Variants in RAC1 observed in about 807,000 individuals in gnomAD.
RAC1 encodes the protein Rac family small GTPase 1.
In RAC1, 2 loss-of-function variants were observed where a neutral mutation model predicts 25.2. The observed-to-expected ratio is 0.08, with a 90% CI of 0.03 to 0.25. The LOEUF (loss-of-function observed/expected upper bound fraction) is 0.25. RAC1 is among the 10% of genes least tolerant of loss of function. RAC1 has a pLI of 1.00. For missense variants in RAC1, 50 were observed against 235.7 expected (o/e 0.21, Z 5.16); for synonymous variants, 88 against 94.0 (o/e 0.94, Z 0.37).
chr7:6,391,788 C>A, intron 2 of RAC1, 136 bp from the exon 3 acceptor site: 1 of 1,389,858 alleles, frequency 7.2e-7, no homozygotes, highest in Non-Finnish European at 9.6e-7. Context: ...CCTCCTTGTG[C>A]CTGCAGGGAC....
chr7:6,387,148 T>C (rs2115192828), intron 1 of RAC1, 64 bp from the exon 2 acceptor site: 1 of 1,043,696 alleles, frequency 9.6e-7, no homozygotes, highest in Non-Finnish European at 1.4e-6. Flanking sequence ...TTATTTTAAC[T>C]TAATAGTGAA....
intron 2 of RAC1, 97 bp from the exon 3 acceptor site, chr7:6,391,827 G>C: frequency 6.3e-7 from 1 of 1,583,278 alleles, no homozygotes; most frequent in Non-Finnish European, 8.6e-7. Context: ...CTCCAGGCCC[G>C]TCCCCAGCCT....
chr7:6,397,250 A>C (rs1783268488), intron 3 of RAC1, among the ~76,000 whole-genome samples: 1 of 107,482 alleles, frequency 9.3e-6, no homozygotes, highest in Non-Finnish European at 2.0e-5. Context: ...CAAAAAAAAA[A>C]AAGAAAAAAA....
intron 1 of RAC1, among the ~76,000 whole-genome samples, chr7:6,381,758 A>G (rs1257884485): frequency 6.6e-6 from 1 of 152,002 alleles, no homozygotes; most frequent in Admixed American, 6.6e-5. Context: ...TCATAATTTT[A>G]GATTGGGTTT....
At chr7:6,385,421 C>T (rs200704592) in intron 1 of RAC1, among the ~76,000 whole-genome samples, 6 of 152,052 alleles carry the variant, frequency 3.9e-5, no homozygotes, top group African/African-American at 9.7e-5. Flanking sequence ...TGAAACTTGC[C>T]AAAAAATACA....
At chr7:6,393,389 CAT>C (rs1783142779) in intron 3 of RAC1, among the ~76,000 whole-genome samples, 1 of 152,118 alleles carries the variant, frequency 6.6e-6, no homozygotes, top group Admixed American at 6.5e-5. Context: ...CCACTGGACA[CAT>C]GTGGAAGGGT....
At chr7:6,388,510 A>C (rs1384076851) in intron 2 of RAC1, among the ~76,000 whole-genome samples, 1 of 151,500 alleles carries the variant, frequency 6.6e-6, no homozygotes, top group Non-Finnish European at 1.5e-5. Context: ...ACACCTGGCT[A>C]ATTTTTGTTT....
chr7:6,398,159 A>G (rs34166579), intron 3 of RAC1, among the ~76,000 whole-genome samples: 2,130 of 152,304 alleles, frequency 0.014, 32 homozygotes, highest in South Asian at 0.028. Flanking sequence ...GAGACTTGGA[A>G]TGTTCTGGCA....
At chr7:6,397,821 C>G (rs890995414) in intron 3 of RAC1, among the ~76,000 whole-genome samples, 1 of 152,112 alleles carries the variant, frequency 6.6e-6, no homozygotes, top group Non-Finnish European at 1.5e-5. Flanking sequence ...AACCTGGTCT[C>G]TACTAAAAAT....
Position 6,394,529 on chromosome 7 carries a change from G to C in RAC1, c.225+2488G>C, listed in dbSNP as rs1262937070. On this transcript the variant is annotated intron_variant, in intron 3 of 5. Transcript: ENST00000348035. ...GAGTGGGAGCCTAAGTGACCTGTCA[G>C]TGTCACAGCGAGTCCTGAGCCCTGT... 4.6e-5 allele frequency among the ~76,000 whole-genome samples: 7 copies of C among 152,258 alleles called. No homozygotes were observed. The East Asian group carries it at 1.3e-3, about 29-fold the overall frequency.
intron 1 of RAC1, among the ~76,000 whole-genome samples, chr7:6,379,949 G>A (rs1304262357): frequency 6.6e-6 from 1 of 152,074 alleles, no homozygotes; most frequent in Non-Finnish European, 1.5e-5. Context: ...GGTGTTGGTT[G>A]ATTAAAGGAA....
chr7:6,375,062 C>G lies in RAC1; in HGVS notation c.35+292C>G, dbSNP rs554672437. 2.0e-3 allele frequency among the ~76,000 whole-genome samples: 287 copies of G among 141,576 alleles called. 2 individuals carry two copies. Among genetic ancestry groups the G allele is most frequent in the African/African-American group, 7.1e-3 (277 of 38,892 alleles). The allele number at this position is 141,576 out of a possible 152,430, so 92.9% of individuals were successfully genotyped here. On this transcript the variant is annotated intron_variant, in intron 1 of 5. Transcript: ENST00000348035. ...TTCTTCCCGGACGCCGCCCGCCGCC[C>G]TCCTCGGGAGCGCTCGTAGAGCAAG...
chr7:6,377,776 A>G (rs1782648669), intron 1 of RAC1, among the ~76,000 whole-genome samples: 1 of 151,774 alleles, frequency 6.6e-6, no homozygotes, highest in African/African-American at 2.4e-5. Context: ...TTAGCTGGGC[A>G]CGCCTGTAAT....
chr7:6,378,171 T>C (rs183185698), intron 1 of RAC1, among the ~76,000 whole-genome samples: 2,629 of 149,814 alleles, frequency 0.018, 92 homozygotes, highest in African/African-American at 0.061. Flanking sequence ...AATTCCTTCA[T>C]GAAAATCTCT....
chr7:6,390,034 C>T (rs1226863036), intron 2 of RAC1, among the ~76,000 whole-genome samples: 2 of 62,082 alleles, frequency 3.2e-5, no homozygotes, highest in Non-Finnish European at 7.6e-5. Flanking sequence ...CTACTCCTTC[C>T]CTCCTTCCCT....
chr7:6,389,161 C>T (rs1360597750), intron 2 of RAC1, among the ~76,000 whole-genome samples: 2 of 150,798 alleles, frequency 1.3e-5, no homozygotes, highest in African/African-American at 2.4e-5. Context: ...AAGATTGTGC[C>T]ACTGCACTTC....
At chr7:6,383,784 C>CTTTTTTTTTTTTTTTTTTTTT (rs34847745) in intron 1 of RAC1, among the ~76,000 whole-genome samples, 1 of 39,802 alleles carries the variant, frequency 2.5e-5, no homozygotes, top group African/African-American at 8.5e-5. Flanking sequence ...CAACCTTTAT[C>CTTTTTTTTTTTTTTTTTTTTT]TTTTTTTTTT....
intron 5 of RAC1, 99 bp from the exon 6 acceptor site, chr7:6,402,217 C>A: frequency 6.6e-7 from 1 of 1,504,836 alleles, no homozygotes; most frequent in Non-Finnish European, 8.9e-7. Context: ...TGGGAGCCGG[C>A]AGAAGGCGCC....
intron 1 of RAC1, among the ~76,000 whole-genome samples, chr7:6,384,791 A>C (rs938560817): frequency 1.2e-4 from 18 of 151,396 alleles, no homozygotes; most frequent in African/African-American, 4.4e-4. Context: ...CCAGGCTTTT[A>C]TTTTTTAATT....
Sources: allele counts gnomAD v4.1 joint callset (sites outside exome capture counted in the v4.1 genomes callset), GRCh38; gene constraint gnomAD v4.1.1; transcripts MANE v1.5; gene names NCBI Gene and HGNC (gene_info 2026-07-23, HGNC 2026-07-21).